Variants in CSMD1 observed in about 807,000 individuals in gnomAD.
CSMD1 encodes CUB and sushi domain-containing protein 1.
In CSMD1, 213 loss-of-function variants were observed where a neutral mutation model predicts 417.5. The ratio of observed to expected loss-of-function variants is 0.51; its 90% CI spans 0.46 to 0.57. CSMD1 has a LOEUF of 0.57. Among genes scored for constraint, CSMD1 ranks in the 20% least tolerant of loss-of-function variants. CSMD1 has a pLI of 0.00. For missense variants in CSMD1, 6,923 were observed against 4,529.7 expected (o/e 1.53, Z -15.17); for synonymous variants, 2,862 against 1,736.8 (o/e 1.65, Z -16.11).
intron 3 of CSMD1, among the ~76,000 whole-genome samples, chr8:4,383,387 G>A (rs1280590971): frequency 1.3e-5 from 2 of 152,110 alleles, no homozygotes; most frequent in South Asian, 4.2e-4. Context: ...TTACTTGGGG[G>A]CTACATTTAC....
At chr8:3,700,175 G>A (rs767938987) in intron 7 of CSMD1, among the ~76,000 whole-genome samples, 1 of 152,028 alleles carries the variant, frequency 6.6e-6, no homozygotes, top group Non-Finnish European at 1.5e-5. Flanking sequence ...TCAGGTAATG[G>A]GTGCACCAAC....
chr8:4,964,539 GA>G (rs1175814188), intron 1 of CSMD1, among the ~76,000 whole-genome samples: 118 of 115,832 alleles, frequency 1.0e-3, no homozygotes, highest in Middle Eastern at 4.4e-3. Context: ...AGGAAGGAAG[GA>G]AAAAAAAAAA....
intron 2 of CSMD1, among the ~76,000 whole-genome samples, chr8:4,429,714 G>C (rs898467407): frequency 6.6e-6 from 1 of 152,076 alleles, no homozygotes; most frequent in Non-Finnish European, 1.5e-5. Context: ...CTCCATGAGG[G>C]CAGAAGTGGG....
chr8:3,418,125 G>C (rs1813272175), intron 12 of CSMD1, among the ~76,000 whole-genome samples: 2 of 152,282 alleles, frequency 1.3e-5, no homozygotes, highest in Admixed American at 6.5e-5. Context: ...AATGTGCTTT[G>C]TTTGACTGAA....
At chr8:3,972,529 G>C (rs1813158540) in intron 5 of CSMD1, among the ~76,000 whole-genome samples, 1 of 152,150 alleles carries the variant, frequency 6.6e-6, no homozygotes, top group African/African-American at 2.4e-5. Context: ...ATGGTTCTCT[G>C]AATAAGCACG....
chr8:3,641,808 G>T (rs79155042), intron 7 of CSMD1, among the ~76,000 whole-genome samples: 2,491 of 152,308 alleles, frequency 0.016, 70 homozygotes, highest in African/African-American at 0.054. Flanking sequence ...CATCTGTTGT[G>T]ACCTTTGTCG....
chr8:3,578,226 G>A (rs1323540723), intron 9 of CSMD1, among the ~76,000 whole-genome samples: 1 of 152,170 alleles, frequency 6.6e-6, no homozygotes, highest in African/African-American at 2.4e-5. Flanking sequence ...AATAGAAAAA[G>A]AAGAGTTAGA....
chr8:3,170,332 C>A (rs1045242203), intron 37 of CSMD1, among the ~76,000 whole-genome samples: 2 of 152,150 alleles, frequency 1.3e-5, no homozygotes, highest in South Asian at 2.1e-4. Context: ...CTCAGCCTCC[C>A]GAGTAGCTGG....
intron 1 of CSMD1, among the ~76,000 whole-genome samples, chr8:4,764,117 T>C (rs1812293618): frequency 6.6e-6 from 1 of 152,314 alleles, no homozygotes; most frequent in South Asian, 2.1e-4. Flanking sequence ...TAATCTACTT[T>C]ATATGAGATT....
chr8:3,975,194 C>A (rs1171252838), intron 5 of CSMD1, among the ~76,000 whole-genome samples: 3 of 152,114 alleles, frequency 2.0e-5, no homozygotes, highest in African/African-American at 7.2e-5. Flanking sequence ...CATCCTGTTA[C>A]GATGTTATTG....
intron 4 of CSMD1, among the ~76,000 whole-genome samples, chr8:4,024,323 G>T (rs1433290918): frequency 6.6e-6 from 1 of 152,150 alleles, no homozygotes; most frequent in Non-Finnish European, 1.5e-5. Flanking sequence ...AGACAATAAT[G>T]ACAGAAAACC....
chr8:3,716,161 C>G (rs1359709191), intron 6 of CSMD1, among the ~76,000 whole-genome samples: 1 of 152,170 alleles, frequency 6.6e-6, no homozygotes, highest in East Asian at 1.9e-4. Flanking sequence ...ACTGGCCGCT[C>G]CTTGTTCACA....
intron 6 of CSMD1, among the ~76,000 whole-genome samples, chr8:3,729,480 G>C (rs558294350): frequency 3.3e-5 from 5 of 152,156 alleles, no homozygotes; most frequent in African/African-American, 7.2e-5. Flanking sequence ...CTTGAACATA[G>C]AGGCAATATG....
At chr8:3,382,058 G>C (rs545258669) in intron 18 of CSMD1, among the ~76,000 whole-genome samples, 9 of 152,180 alleles carry the variant, frequency 5.9e-5, no homozygotes, top group African/African-American at 1.7e-4. Context: ...AGGAGTTCGA[G>C]ACCAGCCTGG....
At chr8:3,839,142 T>A (rs1802929255) in intron 5 of CSMD1, among the ~76,000 whole-genome samples, 1 of 126,954 alleles carries the variant, frequency 7.9e-6, no homozygotes, top group South Asian at 2.3e-4. Flanking sequence ...TAGATATATA[T>A]AGTCTATATA....
At chr8:4,144,881 A>G (rs557521276) in intron 3 of CSMD1, among the ~76,000 whole-genome samples, 1 of 151,154 alleles carries the variant, frequency 6.6e-6, no homozygotes. Context: ...AAGCTGAAAT[A>G]GAACTAAAAA....
At chr8:3,235,060 C>T (rs1429142965) in intron 26 of CSMD1, among the ~76,000 whole-genome samples, 9 of 152,176 alleles carry the variant, frequency 5.9e-5, no homozygotes, top group Admixed American at 3.9e-4. Flanking sequence ...CACTCATTTG[C>T]AAGTGATAAT....
intron 1 of CSMD1, among the ~76,000 whole-genome samples, chr8:4,846,383 G>A (rs1195752522): frequency 6.6e-6 from 1 of 152,158 alleles, no homozygotes; most frequent in Admixed American, 6.5e-5. Flanking sequence ...CTGACATGGT[G>A]GTTTTCCTAA....
intron 8 of CSMD1, among the ~76,000 whole-genome samples, chr8:3,598,819 A>G (rs888210939): frequency 6.6e-6 from 1 of 152,162 alleles, no homozygotes; most frequent in Non-Finnish European, 1.5e-5. Flanking sequence ...GCAGTGACTC[A>G]CGCCTGAAAT....
Sources: allele counts gnomAD v4.1 joint callset (sites outside exome capture counted in the v4.1 genomes callset), GRCh38; gene constraint gnomAD v4.1.1; transcripts MANE v1.5; gene names NCBI Gene and HGNC (gene_info 2026-07-23, HGNC 2026-07-21).